The following TUSC3 variants were observed in gnomAD, a reference collection of about 807,000 sequenced individuals.
The protein encoded by TUSC3 is dolichyl-diphosphooligosaccharide--protein glycosyltransferase subunit TUSC3.
TUSC3 carries 45 observed loss-of-function variants against 44.8 expected under a neutral mutation model. That is an observed-to-expected ratio of 1.00 (90% CI 0.79 to 1.29). The LOEUF (loss-of-function observed/expected upper bound fraction) is 1.29. Ranked by LOEUF, TUSC3 falls within the 50% of genes most tolerant of loss-of-function variation. The pLI is 0.00. For synonymous variants in TUSC3, 212 were observed against 152.9 expected, an observed-to-expected ratio of 1.39 and a Z score of -2.85; for missense variants, 519 against 437.9, an observed-to-expected ratio of 1.19 and a Z score of -1.65.
the TUSC3 span, among the ~76,000 whole-genome samples, chr8:15,805,716 T>G: frequency 1.3e-5 from 2 of 152,152 alleles, no homozygotes; most frequent in Non-Finnish European, 2.9e-5. Flanking sequence ...TGCTACTGGA[T>G]TCAGTTTGCT....
intron 2 of TUSC3, among the ~76,000 whole-genome samples, chr8:15,485,604 C>A (rs767501739): frequency 6.6e-6 from 1 of 151,556 alleles, no homozygotes; most frequent in African/African-American, 2.4e-5. Flanking sequence ...TGGGTACTTT[C>A]CCAAGGAGAA....
At chr8:15,576,276 C>CT (rs1803105544) in intron 1 of TUSC3, among the ~76,000 whole-genome samples, 1 of 100,040 alleles carries the variant, frequency 1.0e-5, no homozygotes, top group African/African-American at 3.7e-5. Flanking sequence ...TCTTGGTCCT[C>CT]TTGTTTTTTT....
chr8:15,603,197 A>G (rs1013964378), intron 1 of TUSC3, among the ~76,000 whole-genome samples: 7 of 151,686 alleles, frequency 4.6e-5, no homozygotes, highest in Admixed American at 1.3e-4. Flanking sequence ...AGAGAACCCA[A>G]TTGAAAAATA....
At chr8:15,606,150 GT>G (rs1554457669) in intron 1 of TUSC3, among the ~76,000 whole-genome samples, 1 of 152,042 alleles carries the variant, frequency 6.6e-6, no homozygotes, top group Non-Finnish European at 1.5e-5. Flanking sequence ...AAAAAGTTGA[GT>G]TGCTTGATAG....
chr8:15,795,565 T>G, the TUSC3 span, among the ~76,000 whole-genome samples: 1 of 152,182 alleles, frequency 6.6e-6, no homozygotes, highest in South Asian at 2.1e-4. Context: ...TCTGTGAACT[T>G]TCTTATGACC....
intron 1 of TUSC3, among the ~76,000 whole-genome samples, chr8:15,552,300 A>G (rs1424272431): frequency 1.3e-5 from 2 of 151,748 alleles, no homozygotes; most frequent in Admixed American, 1.3e-4. Context: ...GTCAACAAAT[A>G]TTTATTGGTG....
At chr8:15,595,554 C>G (rs1263444189) in intron 1 of TUSC3, among the ~76,000 whole-genome samples, 2 of 152,124 alleles carry the variant, frequency 1.3e-5, no homozygotes, top group Admixed American at 1.3e-4. Flanking sequence ...AAAACTGTTA[C>G]ATATGTTTTG....
chr8:15,825,355 T>C, the TUSC3 span, among the ~76,000 whole-genome samples: 1 of 152,126 alleles, frequency 6.6e-6, no homozygotes, highest in African/African-American at 2.4e-5. Flanking sequence ...GTAAGGCACG[T>C]CTTACATGGT....
At chr8:15,485,910 C>T (rs1226765632) in intron 2 of TUSC3, among the ~76,000 whole-genome samples, 2 of 152,088 alleles carry the variant, frequency 1.3e-5, no homozygotes, top group East Asian at 1.9e-4. Flanking sequence ...CCTGCCTCAG[C>T]CTCCTGAGCA....
At chr8:15,479,466 T>C (rs955786171) in intron 1 of TUSC3, among the ~76,000 whole-genome samples, 7 of 152,344 alleles carry the variant, frequency 4.6e-5, no homozygotes, top group African/African-American at 1.7e-4. Context: ...TTGTGTAAGA[T>C]GAAAGGAAGG....
chr8:15,586,240 A>C (rs934105646), intron 1 of TUSC3, among the ~76,000 whole-genome samples: 2 of 146,102 alleles, frequency 1.4e-5, no homozygotes, highest in African/African-American at 5.6e-5. Flanking sequence ...GTGAGTTAAG[A>C]AGTGAATTCA....
the TUSC3 span, among the ~76,000 whole-genome samples, chr8:15,791,075 G>A: frequency 1.3e-5 from 2 of 152,096 alleles, no homozygotes; most frequent in South Asian, 4.1e-4. Flanking sequence ...ATGGAAATGG[G>A]GATGGAGAGA....
At chr8:15,688,211 CATA>C (rs1030883173) in intron 6 of TUSC3, among the ~76,000 whole-genome samples, 25 of 151,950 alleles carry the variant, frequency 1.6e-4, no homozygotes, top group African/African-American at 6.0e-4. Context: ...TAAAGATACT[CATA>C]ATTATATACA....
At chr8:15,417,853 A>C (rs1044165324) in intron 1 of TUSC3, among the ~76,000 whole-genome samples, 1 of 151,812 alleles carries the variant, frequency 6.6e-6, no homozygotes, top group African/African-American at 2.4e-5. Flanking sequence ...TTTCTCTTTC[A>C]CTCTCAGTAT....
intron 1 of TUSC3, among the ~76,000 whole-genome samples, chr8:15,433,974 A>G (rs4582564): frequency 0.15 from 22,122 of 152,110 alleles, 1,709 homozygotes; most frequent in Middle Eastern, 0.22. Context: ...ACGGTAAACA[A>G]ATAAAAGTGT....
At chr8:15,782,447 C>G in the TUSC3 span, among the ~76,000 whole-genome samples, 1 of 152,176 alleles carries the variant, frequency 6.6e-6, no homozygotes, top group East Asian at 1.9e-4. Context: ...CCACTGCACT[C>G]GAGCCTTGGT....
rs192194932 is a variant in TUSC3, at chr8:15,613,342, G to C, written c.139-9738G>C. Among the ~76,000 whole-genome samples the C allele has an allele frequency of 5.6e-3, 857 of 152,128 alleles. 5 individuals are homozygous for C. Among genetic ancestry groups the C allele is most frequent in the Middle Eastern group, 0.014 (4 of 294 alleles). On this transcript the variant is annotated intron_variant, in intron 1 of 10. Transcript: ENST00000503731. ...TGAGATTTAAAAAATTCCCACTGCA[G>C]ATAATTCTTTTAGCAATGTGATCTG... is the stretch of plus-strand genomic sequence containing the variant.
At chr8:15,631,453 G>T (rs1024462794) in intron 2 of TUSC3, among the ~76,000 whole-genome samples, 4 of 151,848 alleles carry the variant, frequency 2.6e-5, no homozygotes, top group Admixed American at 2.0e-4. Flanking sequence ...TTAATTTCAA[G>T]CTTACAGAAA....
chr8:15,704,647 C>A (rs1462501454), intron 6 of TUSC3, among the ~76,000 whole-genome samples: 1 of 151,364 alleles, frequency 6.6e-6, no homozygotes. Flanking sequence ...CTTTTTTTTC[C>A]TTTTCTTTTT....
Sources: gnomAD v4.1 joint callset for allele counts (sites outside exome capture counted in the v4.1 genomes callset) on GRCh38, gnomAD v4.1.1 for gene constraint, MANE v1.5 for transcripts, NCBI Gene and HGNC (gene_info 2026-07-23, HGNC 2026-07-21) for gene names.